The following SDK2 variants were observed in gnomAD, a reference collection of about 807,000 sequenced individuals.
The protein encoded by SDK2 is protein sidekick-2.
In SDK2, 105 loss-of-function variants were observed where a neutral mutation model predicts 253.9. The ratio of observed to expected loss-of-function variants is 0.41; its 90% confidence interval spans 0.35 to 0.49. The LOEUF (loss-of-function observed/expected upper bound fraction) is 0.49. Ranked by LOEUF, SDK2 falls within the 20% of genes least tolerant of loss-of-function variation. The pLI is 0.06. For synonymous variants in SDK2, 1,249 were observed against 1,234.9 expected, an observed-to-expected ratio of 1.01 and a Z score of -0.24; for missense variants, 2,608 against 3,003.0, an observed-to-expected ratio of 0.87 and a Z score of 3.07.
rs1012826861 is a variant in SDK2 at position 73,644,213 on chromosome 17, C to G, written c.-125G>C. The G allele has an allele frequency of 1.3e-6, 1 of 780,484 alleles. No homozygotes were observed. The highest frequency in any genetic ancestry group is 2.8e-5 in the East Asian group (1 of 36,264). The allele number at this position is 780,484 out of a possible 1,614,324, so 48.3% of individuals were successfully genotyped here. A position where few individuals can be genotyped will look rare whatever the true frequency, so the allele number is the denominator to read the frequency against. The stretch of plus-strand genomic sequence containing the variant: ...CAGTCAGTCTACGCGGCTCCGTGCC[C>G]CGGGGTGTAATATGCCCGGGAGGGG... On this transcript the variant is annotated 5_prime_UTR_variant, in exon 1 of 45. Coordinates refer to ENST00000392650, the MANE Select transcript of SDK2 (RefSeq NM_001144952.2). The surrounding 1 kb of genome is among the most constrained non-coding windows in gnomAD (Gnocchi z 6.3).
At position 73,334,475 on chromosome 17, in the gene SDK2, C is replaced by T. The variant is rs987423386; in HGVS notation, c.*4112G>A. ...ATATTTCAAATCAATTTCTTTCTTA[C>T]CTTTCATTTAAAAAATAAACCTGCT... On this transcript the variant is annotated 3_prime_UTR_variant, in exon 45 of 45. Coordinates refer to ENST00000392650, the MANE Select transcript of SDK2 (RefSeq NM_001144952.2). 1 of 152,148 alleles carries T rather than the reference C, an allele frequency of 6.6e-6. No homozygotes were observed. Among genetic ancestry groups the T allele is most frequent in the Non-Finnish European group, 1.5e-5 (1 of 68,028 alleles). 9.4% of individuals were successfully genotyped at this position (152,148 alleles called of 1,614,324 possible). A position where few individuals can be genotyped will look rare whatever the true frequency, so the allele number is the denominator to read the frequency against.
rs576357223 is a variant in SDK2 at position 73,605,475 on chromosome 17, T to C, written c.64+38550A>G. Among the ~76,000 whole-genome samples, 7 of 152,146 alleles carry C rather than the reference T, an allele frequency of 4.6e-5. No homozygotes were observed. The South Asian group carries it at 8.3e-4, about 18-fold the overall frequency. On this transcript the variant is annotated intron_variant, in intron 1 of 44. Coordinates refer to ENST00000392650, the MANE Select transcript of SDK2 (RefSeq NM_001144952.2). ...AGATTCTCACTTGAGGGGTTCTTCA[T>C]GTCTTGGAGAAGGCAGTTGGGGCCT...
At chr17:73,518,861 T>A (rs1191171393) in intron 1 of SDK2, 2 of 152,208 alleles carry the variant, frequency 1.3e-5, no homozygotes, top group Non-Finnish European at 2.9e-5. Context: ...GGAGCAATTC[T>A]CCAGTTTTAC....
intron 3 of SDK2, among the ~76,000 whole-genome samples, chr17:73,460,139 C>T (rs1599587170): frequency 6.6e-6 from 1 of 152,110 alleles, no homozygotes; most frequent in South Asian, 2.1e-4. Flanking sequence ...ACTAGGTCAT[C>T]GAAACGATAC....
intron 29 of SDK2, among the ~76,000 whole-genome samples, chr17:73,389,205 A>G (rs1396005127): frequency 3.8e-4 from 26 of 68,410 alleles, no homozygotes; most frequent in African/African-American, 1.3e-3. Flanking sequence ...TTTTTTTTTG[A>G]GACGGTCTTG....
intron 2 of SDK2, among the ~76,000 whole-genome samples, chr17:73,492,872 T>C (rs1408036690): frequency 6.6e-6 from 1 of 152,138 alleles, no homozygotes; most frequent in African/African-American, 2.4e-5. Context: ...GCAGGGGTCA[T>C]TACCAACTCC....
intron 5 of SDK2, among the ~76,000 whole-genome samples, chr17:73,444,419 C>T (rs1002330637): frequency 3.9e-5 from 6 of 152,070 alleles, no homozygotes; most frequent in Admixed American, 1.3e-4. Flanking sequence ...CAGGTGAGCC[C>T]GAGCAAAGAG....
Position 73,390,275 on chromosome 17 carries a change from G to A in SDK2, c.4192+12C>T, listed in dbSNP as rs773900234. On this transcript the variant is annotated intron_variant, in intron 29 of 44. Coordinates refer to ENST00000392650, the MANE Select transcript of SDK2 (RefSeq NM_001144952.2). ...TGCCCCCAAGCCTTCCCTGGCCCCC[G>A]TGGGCAGTCACCTCTCTTCTCGGTG... 7.1e-6 allele frequency: 11 copies of A among 1,556,132 alleles called. No individual in the cohort carries two copies. Among genetic ancestry groups the A allele is most frequent in the East Asian group, 2.3e-5 (1 of 43,682 alleles).
intron 1 of SDK2, among the ~76,000 whole-genome samples, chr17:73,631,169 CCAGTGATGCG>C (rs2046264844): frequency 6.6e-6 from 1 of 152,186 alleles, no homozygotes. Flanking sequence ...CATTTTTCAC[CCAGTGATGCG>C]CAGGCGGATA....
intron 18 of SDK2, among the ~76,000 whole-genome samples, chr17:73,405,680 G>C (rs1194789054): frequency 6.7e-5 from 10 of 149,936 alleles, no homozygotes; most frequent in Non-Finnish European, 1.5e-4. Context: ...GATATAAAAA[G>C]GTGTAGTATT....
At chr17:73,536,986 A>G (rs1340324738) in intron 1 of SDK2, among the ~76,000 whole-genome samples, 1 of 152,092 alleles carries the variant, frequency 6.6e-6, no homozygotes, top group African/African-American at 2.4e-5. Flanking sequence ...CGCTGGGTGG[A>G]GGGGCAGGAG....
intron 1 of SDK2, among the ~76,000 whole-genome samples, chr17:73,621,895 T>G (rs1239319274): frequency 6.6e-6 from 1 of 152,066 alleles, no homozygotes; most frequent in African/African-American, 2.4e-5. Flanking sequence ...GTTCCCAAAT[T>G]TGGTGAAAGA....
At position 73,541,916 on chromosome 17, in the gene SDK2, G is replaced by T. The variant is rs2044874977; in HGVS notation, c.65-34319C>A. 1.3e-5 allele frequency among the ~76,000 whole-genome samples: 2 copies of T among 152,202 alleles called. No homozygotes were observed. The highest frequency in any genetic ancestry group is 1.3e-4 in the Admixed American group (2 of 15,284). ...AGTCCAGGCCTGTTCTTGCCTGTGT[G>T]CCCTGAGGAGAGCCCCAAACCTCTC... On this transcript the variant is annotated intron_variant, in intron 1 of 44. Transcript: ENST00000392650. This position sits in a 1 kb window ranked among gnomAD's most constrained non-coding sequence, Gnocchi z 4.3.
intron 2 of SDK2, among the ~76,000 whole-genome samples, chr17:73,501,707 T>A (rs1439035905): frequency 3.3e-5 from 5 of 152,190 alleles, no homozygotes; most frequent in Non-Finnish European, 7.4e-5. Context: ...CGTGATTTTC[T>A]AGGGGGTTTG....
chr17:73,627,595 G>A (rs1046071384), intron 1 of SDK2, among the ~76,000 whole-genome samples: 10 of 152,222 alleles, frequency 6.6e-5, no homozygotes, highest in African/African-American at 1.7e-4. Flanking sequence ...AGCCCTAGGC[G>A]GACAGGTCAG....
chr17:73,386,864 T>A (rs985194247), intron 30 of SDK2, among the ~76,000 whole-genome samples: 11 of 152,142 alleles, frequency 7.2e-5, no homozygotes, highest in African/African-American at 1.2e-4. Flanking sequence ...CGCAGAACCA[T>A]GCAGTCACAA....
chr17:73,497,005 T>A (rs1311642377), intron 2 of SDK2, among the ~76,000 whole-genome samples: 1 of 152,242 alleles, frequency 6.6e-6, no homozygotes, highest in African/African-American at 2.4e-5. Context: ...CAAGTAATTC[T>A]CCTGCCTCAG....
intron 27 of SDK2, among the ~76,000 whole-genome samples, chr17:73,392,787 C>T (rs2062938909): frequency 6.6e-6 from 1 of 151,844 alleles, no homozygotes; most frequent in Admixed American, 6.6e-5. Context: ...TAGGAGGGGG[C>T]AAGGGATGCA....
chr17:73,421,128 G>A (rs755603863), intron 15 of SDK2, among the ~76,000 whole-genome samples: 1 of 152,206 alleles, frequency 6.6e-6, no homozygotes, highest in African/African-American at 2.4e-5. Context: ...ATGCACTGGG[G>A]CTATGTCTGT....
Sources: allele counts gnomAD v4.1 joint callset (sites outside exome capture counted in the v4.1 genomes callset), GRCh38; gene constraint gnomAD v4.1.1; non-coding constraint Gnocchi (gnomAD v3.1); transcripts MANE v1.5; gene names NCBI Gene and HGNC (gene_info 2026-07-23, HGNC 2026-07-21).